The following LIMS2 variants were observed in gnomAD, a reference collection of about 807,000 sequenced individuals.
The protein encoded by LIMS2 is LIM zinc finger domain containing 2, also known as LIM and senescent cell antigen-like-containing domain protein 2.
Under a neutral mutation model 45.3 loss-of-function variants are expected in LIMS2, and 30 were observed. The observed-to-expected ratio is 0.66, with a 90% CI of 0.50 to 0.90. LIMS2 has a LOEUF of 0.90. LIMS2 is among the 40% of genes least tolerant of loss of function. LIMS2 has a pLI of 0.00. For synonymous variants in LIMS2, 173 were observed against 188.0 expected (o/e 0.92, Z 0.65); for missense variants, 485 against 468.7 (o/e 1.03, Z -0.32).
chr2:127,640,329 A>G lies in LIMS2; in HGVS notation c.754-11T>C. On this transcript the variant is annotated splice_polypyrimidine_tract_variant and intron_variant, in intron 7 of 9. Transcript: ENST00000355119. ...GACGTCCCCGAAGAGCTGTGGGCCG[A>G]GCAGGCTGTCAGAGTAGCTGCAGGC... 6.2e-7 allele frequency: 1 copy of G among 1,612,208 alleles called. No homozygotes were observed. The highest frequency in any genetic ancestry group is 8.5e-7 in the Non-Finnish European group (1 of 1,179,808).
chr2:127,680,494 G>A (rs1167387450), upstream of LIMS2, among the ~76,000 whole-genome samples: 3 of 152,174 alleles, frequency 2.0e-5, no homozygotes, highest in Non-Finnish European at 4.4e-5. Context: ...AAAAATATGA[G>A]CCTGCCCTCA....
At chr2:127,668,960 TG>T (rs1685161176) in intron 1 of LIMS2, among the ~76,000 whole-genome samples, 1 of 151,926 alleles carries the variant, frequency 6.6e-6, no homozygotes, top group African/African-American at 2.4e-5. Flanking sequence ...GGTGTGGTGG[TG>T]TGTACCTGTG....
Position 127,640,899 on chromosome 2 carries a change from G to C in LIMS2, c.750C>G (p.Asn250Lys). 1 of 1,613,434 alleles carries C rather than the reference G, an allele frequency of 6.2e-7. No homozygotes were observed. Among genetic ancestry groups the C allele is most frequent in the Non-Finnish European group, 8.5e-7 (1 of 1,179,632 alleles). The change falls in exon 7 of 10, where the codon AAC becomes AAG. Residue 250 changes from asparagine (N) to lysine (K), a missense_variant. By Grantham distance (94) the Asn-to-Lys change is moderately conservative. Coordinates refer to ENST00000355119, the MANE Select transcript of LIMS2 (RefSeq NM_001161403.3). ...GAAGGTTCTGCACCGGGCTCACCTG[G>C]TTGTAGTGAGTCTCGCAGTAGGCCA... ...KGLAYCETHY[N>K]QLFGDVCYNC...
At chr2:127,651,766 C>T (rs765429316) in intron 4 of LIMS2, 1 of 1,607,810 alleles carries the variant, frequency 6.2e-7, no homozygotes, top group South Asian at 1.1e-5. Flanking sequence ...GCGGGGGGCG[C>T]CGTCCAGGCC....
chr2:127,657,890 T>A (rs944471107), intron 1 of LIMS2, among the ~76,000 whole-genome samples: 7 of 152,200 alleles, frequency 4.6e-5, no homozygotes, highest in Non-Finnish European at 1.0e-4. Context: ...ATACTGCAGC[T>A]ACTATTATTA....
intron 2 of LIMS2, 42 bp downstream of exon 2, chr2:127,657,361 A>G (rs1466224582): frequency 6.2e-7 from 1 of 1,611,548 alleles, no homozygotes; most frequent in East Asian, 2.2e-5. Flanking sequence ...TAGAGGGCAG[A>G]CTCCGAGCTG....
At position 127,664,282 on chromosome 2, in the gene LIMS2, C is replaced by T. The variant is rs1272273101; in HGVS notation, c.12-6720G>A. 2.4e-6 allele frequency: 3 copies of T among 1,233,410 alleles called. No individual in the cohort carries two copies. The highest frequency in any genetic ancestry group is 8.4e-5 in the Admixed American group (2 of 23,830). The allele number at this position is 1,233,410 out of a possible 1,614,324, so 76.4% of individuals were successfully genotyped here. A position where few individuals can be genotyped will look rare whatever the true frequency, so the allele number is the denominator to read the frequency against. ...AGCTTTCCGGCCATTGTCCCCGCCA[C>T]CCGCCCCGCCCCTGGCCACCTACCC... is the stretch of plus-strand genomic sequence containing the variant. On this transcript the variant is annotated intron_variant, in intron 1 of 9. Coordinates refer to ENST00000355119, the MANE Select transcript of LIMS2 (RefSeq NM_001161403.3). This position sits in a 1 kb window ranked among gnomAD's most constrained non-coding sequence, Gnocchi z 5.5.
intron 4 of LIMS2, chr2:127,651,943 C>T (rs1234964333): frequency 1.6e-6 from 1 of 631,246 alleles, no homozygotes; most frequent in Admixed American, 2.9e-5. Context: ...ATCCATCGGC[C>T]ACCCCTCTGC....
At chr2:127,659,852 C>T (rs1474646447) in intron 1 of LIMS2, among the ~76,000 whole-genome samples, 1 of 152,250 alleles carries the variant, frequency 6.6e-6, no homozygotes, top group Non-Finnish European at 1.5e-5. Flanking sequence ...TTAGGGCCTG[C>T]ACCCACACGC....
chr2:127,642,743 C>T lies in LIMS2; in HGVS notation c.509+180G>A, dbSNP rs1682562089. The T allele has an allele frequency of 6.0e-6, 4 of 671,408 alleles. No individual in the cohort carries two copies. The Admixed American group carries it at 9.0e-5, about 15-fold the overall frequency. 41.6% of individuals were successfully genotyped at this position (671,408 alleles called of 1,614,324 possible). A position where few individuals can be genotyped will look rare whatever the true frequency, so the allele number is the denominator to read the frequency against. On this transcript the variant is annotated intron_variant, in intron 5 of 9. Coordinates refer to ENST00000355119, the MANE Select transcript of LIMS2 (RefSeq NM_001161403.3). The surrounding 1 kb of genome is among the most constrained non-coding windows in gnomAD (Gnocchi z 5.3). ...TGGAGAGAGAAGCTTCCTGCCATGG[C>T]TGCTTCCCAGCCCCCAGCCCACCTC...
chr2:127,668,668 CAAAAAAAA>C (rs70985469), intron 1 of LIMS2, among the ~76,000 whole-genome samples: 12 of 17,256 alleles, frequency 7.0e-4, no homozygotes, highest in Non-Finnish European at 1.1e-3. Context: ...GACTCCGTCT[CAAAAAAAA>C]AAAAAAAAAA....
intron 1 of LIMS2, among the ~76,000 whole-genome samples, chr2:127,670,800 T>C (rs1001307835): frequency 2.6e-5 from 4 of 152,150 alleles, no homozygotes; most frequent in African/African-American, 9.7e-5. Flanking sequence ...GAGGCAGAGA[T>C]GCCACAAACA....
At chr2:127,674,949 G>C (rs1685440640) in intron 1 of LIMS2, 65 bp downstream of exon 1, 8 of 1,225,748 alleles carry the variant, frequency 6.5e-6, no homozygotes, top group Non-Finnish European at 1.0e-6. Context: ...AGGGCGAGCT[G>C]CGCCTCGGCC....
chr2:127,679,034 G>A (rs1010304030), upstream of LIMS2, among the ~76,000 whole-genome samples: 7 of 152,154 alleles, frequency 4.6e-5, no homozygotes, highest in Non-Finnish European at 8.8e-5. The surrounding 1 kb of genome is among the most constrained non-coding windows in gnomAD (Gnocchi z 5.3). Flanking sequence ...AGTGTGAGGT[G>A]CCACAGAAGC....
intron 1 of LIMS2, among the ~76,000 whole-genome samples, chr2:127,669,299 CA>C (rs760543973): frequency 6.6e-6 from 1 of 150,594 alleles, no homozygotes; most frequent in African/African-American, 2.4e-5. Context: ...CTAAACATGA[CA>C]AAAAAAACTC....
upstream of LIMS2, among the ~76,000 whole-genome samples, chr2:127,678,168 G>A (rs1023922230): frequency 6.6e-6 from 1 of 152,124 alleles, no homozygotes; most frequent in East Asian, 1.9e-4. The surrounding 1 kb of genome is among the most constrained non-coding windows in gnomAD (Gnocchi z 5.3). Flanking sequence ...AAGATGAGCC[G>A]ATGTGGTGGA....
At position 127,667,443 on chromosome 2, in the gene LIMS2, A is replaced by T. The variant is rs1685064145; in HGVS notation, c.11+7571T>A. On this transcript the variant is annotated intron_variant, in intron 1 of 9. Coordinates refer to ENST00000355119, the MANE Select transcript of LIMS2 (RefSeq NM_001161403.3). The surrounding 1 kb of genome is among the most constrained non-coding windows in gnomAD (Gnocchi z 4.1). ...AAAATGCTAAAGTCACATAGATGCA[A>T]ATGTCCTCGATAAAATACAATAAAT... Among the ~76,000 whole-genome samples, 1 of 152,264 alleles carries T rather than the reference A, an allele frequency of 6.6e-6. No individual in the cohort carries two copies. The highest frequency in any genetic ancestry group is 1.5e-5 in the Non-Finnish European group (1 of 68,048).
chr2:127,644,019 C>T (rs1308450519), intron 4 of LIMS2: 1 of 456,072 alleles, frequency 2.2e-6, no homozygotes, highest in African/African-American at 2.0e-5. Context: ...GGTGGGCAGA[C>T]CCCAGATGCC....
intron 1 of LIMS2, among the ~76,000 whole-genome samples, chr2:127,663,421 C>T (rs183185673): frequency 3.5e-4 from 53 of 152,356 alleles, no homozygotes; most frequent in African/African-American, 9.9e-4. Context: ...GCCCTCCACT[C>T]GGTGCCCTCC....
Sources: allele counts gnomAD v4.1 joint callset (sites outside exome capture counted in the v4.1 genomes callset), GRCh38; gene constraint gnomAD v4.1.1; non-coding constraint Gnocchi (gnomAD v3.1); transcripts MANE v1.5; gene names NCBI Gene and HGNC (gene_info 2026-07-23, HGNC 2026-07-21).